DLG2: variants seen among roughly 807,000 people sequenced by gnomAD.
DLG2 encodes discs large MAGUK scaffold protein 2.
DLG2 carries 45 observed loss-of-function variants against 132.5 expected under a neutral mutation model. That is an observed-to-expected ratio of 0.34 (90% CI 0.27 to 0.44). The LOEUF (loss-of-function observed/expected upper bound fraction) is 0.44, where lower values mean the gene tolerates loss of function less well. Ranked by LOEUF, DLG2 falls within the 20% of genes least tolerant of loss-of-function variation. DLG2 has a pLI of 1.00. For synonymous variants in DLG2, 424 were observed against 419.6 expected, an observed-to-expected ratio of 1.01 and a Z score of -0.13; for missense variants, 1,045 against 1,196.9, an observed-to-expected ratio of 0.87 and a Z score of 1.87.
intron 6 of DLG2, among the ~76,000 whole-genome samples, chr11:84,725,119 C>T (rs1037290993): frequency 2.0e-5 from 3 of 152,012 alleles, no homozygotes; most frequent in Admixed American, 6.6e-5. Context: ...ATGGCTTATT[C>T]GAGTGACAGA....
chr11:85,002,074 TA>T (rs1275229189), intron 6 of DLG2, among the ~76,000 whole-genome samples: 1 of 152,184 alleles, frequency 6.6e-6, no homozygotes, highest in Non-Finnish European at 1.5e-5. Flanking sequence ...GTGATTCCAA[TA>T]GATAGTCAGT....
At chr11:84,899,384 T>C (rs1398866845) in intron 6 of DLG2, among the ~76,000 whole-genome samples, 1 of 152,046 alleles carries the variant, frequency 6.6e-6, no homozygotes, top group Non-Finnish European at 1.5e-5. Flanking sequence ...TGTTGCCTCC[T>C]AGCTAGCCCA....
chr11:83,685,450 T>G (rs1278599076), intron 18 of DLG2, among the ~76,000 whole-genome samples: 4 of 152,134 alleles, frequency 2.6e-5, no homozygotes, highest in Non-Finnish European at 5.9e-5. Context: ...TTTGGCAGAA[T>G]CAATTACAAC....
In DLG2 at chr11:84,677,638, G is replaced by C. The variant is rs1486192596; in HGVS notation, c.358-142907C>G. On this transcript the variant is annotated intron_variant, in intron 6 of 27. Coordinates refer to ENST00000376104, the MANE Select transcript of DLG2 (RefSeq NM_001142699.3). The stretch of plus-strand genomic sequence containing the variant: ...GTGGCTTATGCCTGGAATCCTAGCA[G>C]TTTGGGAGGTTGAGCTGGGAAGATC... Among the ~76,000 whole-genome samples, 3 of 152,010 alleles carry C rather than the reference G, an allele frequency of 2.0e-5. No individual in the cohort carries two copies. In the East Asian group the frequency reaches 5.8e-4, roughly 29 times the overall value.
chr11:84,943,035 T>C (rs1241346939), intron 6 of DLG2, among the ~76,000 whole-genome samples: 1 of 152,156 alleles, frequency 6.6e-6, no homozygotes, highest in Non-Finnish European at 1.5e-5. Flanking sequence ...ACAAGTATAG[T>C]GACTCCTGCT....
chr11:85,001,900 G>C (rs184816535), intron 6 of DLG2, among the ~76,000 whole-genome samples: 1 of 152,062 alleles, frequency 6.6e-6, no homozygotes, highest in African/African-American at 2.4e-5. Flanking sequence ...TGGGGTATAT[G>C]GGAAATCTAT....
At chr11:85,568,142 G>T (rs2077636034) in intron 3 of DLG2, among the ~76,000 whole-genome samples, 1 of 151,274 alleles carries the variant, frequency 6.6e-6, no homozygotes, top group Admixed American at 6.6e-5. Flanking sequence ...AGCCTCCCAA[G>T]TAGCTCGGAT....
intron 6 of DLG2, among the ~76,000 whole-genome samples, chr11:84,794,090 A>G (rs2074237841): frequency 6.6e-6 from 1 of 152,300 alleles, no homozygotes; most frequent in Admixed American, 6.5e-5. Flanking sequence ...TGAAGTTACC[A>G]TGAGGCTTGC....
At chr11:84,833,065 GA>G (rs59291195) in intron 6 of DLG2, among the ~76,000 whole-genome samples, 1 of 31,236 alleles carries the variant, frequency 3.2e-5, no homozygotes, top group Admixed American at 3.2e-4. Flanking sequence ...ATGAACTATA[GA>G]AAAATTTTAT....
chr11:84,185,425 T>G (rs926927989), intron 8 of DLG2, among the ~76,000 whole-genome samples: 5 of 152,196 alleles, frequency 3.3e-5, no homozygotes, highest in Non-Finnish European at 5.9e-5. Flanking sequence ...TGATTTTGTA[T>G]CCTGAGACTT....
At chr11:84,577,733 A>G (rs1454876421) in intron 6 of DLG2, among the ~76,000 whole-genome samples, 1 of 152,210 alleles carries the variant, frequency 6.6e-6, no homozygotes, top group Non-Finnish European at 1.5e-5. Context: ...AGAAAAATCC[A>G]TTTTTTGAGG....
chr11:84,570,474 A>T (rs1216240884), intron 6 of DLG2, among the ~76,000 whole-genome samples: 3 of 152,274 alleles, frequency 2.0e-5, no homozygotes, highest in East Asian at 3.9e-4. Context: ...AGCTGCCTGA[A>T]AGATAGGATA....
chr11:85,021,824 G>T (rs2060099090), intron 6 of DLG2, among the ~76,000 whole-genome samples: 1 of 152,092 alleles, frequency 6.6e-6, no homozygotes, highest in South Asian at 2.1e-4. Context: ...CAACTGCTCA[G>T]TCTTTTTCTC....
intron 7 of DLG2, among the ~76,000 whole-genome samples, chr11:84,278,971 G>A (rs1480053251): frequency 6.6e-6 from 1 of 152,048 alleles, no homozygotes; most frequent in Non-Finnish European, 1.5e-5. Context: ...ATAGACAAAT[G>A]GGATCTAACT....
At chr11:84,869,572 G>C (rs2085146231) in intron 6 of DLG2, among the ~76,000 whole-genome samples, 1 of 152,158 alleles carries the variant, frequency 6.6e-6, no homozygotes. Context: ...TTATGCATCT[G>C]ATGGACAACC....
intron 3 of DLG2, among the ~76,000 whole-genome samples, chr11:85,435,780 T>C (rs1460344200): frequency 6.6e-6 from 1 of 152,122 alleles, no homozygotes; most frequent in East Asian, 1.9e-4. Flanking sequence ...CAAACTACCA[T>C]TGACATTCTT....
chr11:83,908,273 C>T (rs139682511), intron 15 of DLG2, among the ~76,000 whole-genome samples: 93 of 152,190 alleles, frequency 6.1e-4, no homozygotes, highest in Middle Eastern at 6.8e-3. Flanking sequence ...GATGCCTTCT[C>T]ATCTCTATTC....
intron 6 of DLG2, among the ~76,000 whole-genome samples, chr11:85,104,193 GAAATTTCATTCCTAGGCAT>G (rs2071325002): frequency 6.6e-6 from 1 of 151,842 alleles, no homozygotes; most frequent in Admixed American, 6.6e-5. Context: ...ATATGACCCA[GAAATTTCATTCCTAGGCAT>G]ATACCCAAGA....
At chr11:84,521,614 G>A (rs1298087330) in intron 7 of DLG2, among the ~76,000 whole-genome samples, 1 of 152,104 alleles carries the variant, frequency 6.6e-6, no homozygotes, top group Non-Finnish European at 1.5e-5. Flanking sequence ...CTCTTGCCTG[G>A]GTCTGTGCAG....
Sources: allele counts gnomAD v4.1 joint callset (sites outside exome capture counted in the v4.1 genomes callset), GRCh38; gene constraint gnomAD v4.1.1; transcripts MANE v1.5; gene names NCBI Gene and HGNC (gene_info 2026-07-23, HGNC 2026-07-21).